Variants in REPS1 observed in about 807,000 individuals in gnomAD.
The protein encoded by REPS1 is RALBP1 associated Eps domain containing 1, also known as ralBP1-associated Eps domain-containing protein 1.
In REPS1, 39 loss-of-function variants were observed where a neutral mutation model predicts 100.9. That is an observed-to-expected ratio of 0.39 (90% CI 0.30 to 0.50). The LOEUF (loss-of-function observed/expected upper bound fraction) is 0.50. Ranked by LOEUF, REPS1 falls within the 20% of genes least tolerant of loss-of-function variation. REPS1 has a pLI of 0.86. For missense variants in REPS1, 821 were observed against 968.5 expected (o/e 0.85, Z 2.02); for synonymous variants, 324 against 340.3 (o/e 0.95, Z 0.53).
chr6:138,911,404 T>C, intron 16 of REPS1, 33 bp from the exon 17 acceptor site: 2 of 1,302,436 alleles, frequency 1.5e-6, no homozygotes, highest in Non-Finnish European at 2.2e-6. Flanking sequence ...CTATTAATTC[T>C]ACATAACATG....
intron 9 of REPS1, chr6:138,929,766 A>G: frequency 2.5e-6 from 1 of 400,722 alleles, no homozygotes; most frequent in South Asian, 5.1e-5. Context: ...CAAGGTTTTA[A>G]TGGGGATAAG....
intron 12 of REPS1, among the ~76,000 whole-genome samples, chr6:138,919,060 C>T (rs887081466): frequency 6.6e-6 from 1 of 152,174 alleles, no homozygotes; most frequent in African/African-American, 2.4e-5. Context: ...TTAACAGGCA[C>T]CTCAAGTTTA....
intron 1 of REPS1, among the ~76,000 whole-genome samples, chr6:138,959,091 T>A (rs145086641): frequency 6.6e-6 from 1 of 152,304 alleles, no homozygotes; most frequent in African/African-American, 2.4e-5. Context: ...CTATACCTGG[T>A]CTTTTTGCCA....
intron 1 of REPS1, among the ~76,000 whole-genome samples, chr6:138,963,414 T>C (rs1783848715): frequency 1.3e-5 from 2 of 152,186 alleles, no homozygotes; most frequent in African/African-American, 4.8e-5. Context: ...GGTCTGGCAA[T>C]GTTCTTTGCA....
chr6:138,982,862 G>A, intron 1 of REPS1, among the ~76,000 whole-genome samples: 1 of 152,198 alleles, frequency 6.6e-6, no homozygotes, highest in South Asian at 2.1e-4. Flanking sequence ...AATTGTATTT[G>A]TGTGTGCCCT....
At chr6:138,982,960 G>A (rs547338223) in intron 1 of REPS1, among the ~76,000 whole-genome samples, 124 of 152,228 alleles carry the variant, frequency 8.1e-4, no homozygotes, top group Admixed American at 2.6e-3. Flanking sequence ...CTACGCAAAG[G>A]AGTAAGTTGA....
At chr6:138,986,723 A>G (rs909526881) in intron 1 of REPS1, among the ~76,000 whole-genome samples, 2 of 152,198 alleles carry the variant, frequency 1.3e-5, no homozygotes, top group African/African-American at 2.4e-5. Context: ...GAGTAGCATT[A>G]ATGCTCACCA....
At chr6:138,917,527 C>A in intron 13 of REPS1, 28 bp downstream of exon 13, 1 of 1,545,786 alleles carries the variant, frequency 6.5e-7, no homozygotes, top group Non-Finnish European at 8.9e-7. Flanking sequence ...GATAGTTTAA[C>A]ATGCTTTTCA....
At chr6:138,981,263 G>A (rs1379727735) in intron 1 of REPS1, among the ~76,000 whole-genome samples, 2 of 152,172 alleles carry the variant, frequency 1.3e-5, no homozygotes, top group African/African-American at 4.8e-5. Flanking sequence ...GAAACAAAAT[G>A]CAGAAGAGAT....
At chr6:138,908,414 C>T (rs1013788240) in intron 18 of REPS1, among the ~76,000 whole-genome samples, 1 of 152,158 alleles carries the variant, frequency 6.6e-6, no homozygotes, top group African/African-American at 2.4e-5. Context: ...CCTACCTCAG[C>T]TTCCCGAGTA....
intron 1 of REPS1, among the ~76,000 whole-genome samples, chr6:138,981,899 T>C (rs918604519): frequency 2.0e-5 from 3 of 149,848 alleles, no homozygotes; most frequent in African/African-American, 5.1e-5. Flanking sequence ...TCTGGGCTAT[T>C]GATTAAAACA....
intron 1 of REPS1, among the ~76,000 whole-genome samples, chr6:138,961,514 G>A (rs1016263890): frequency 2.0e-5 from 3 of 152,014 alleles, no homozygotes; most frequent in Non-Finnish European, 4.4e-5. Flanking sequence ...ACCATGCTCG[G>A]CTCAAAGGGC....
chr6:138,984,341 C>T (rs756174851), intron 1 of REPS1, among the ~76,000 whole-genome samples: 2 of 152,052 alleles, frequency 1.3e-5, no homozygotes, highest in African/African-American at 2.4e-5. Flanking sequence ...CCTCAGCCTC[C>T]CAAAGTGCTG....
At chr6:138,987,385 G>C in intron 1 of REPS1, 145 bp downstream of exon 1, 2 of 850,798 alleles carry the variant, frequency 2.4e-6, no homozygotes, top group Non-Finnish European at 3.5e-6. Context: ...CAGGCCTCCC[G>C]GGCACCTGCG....
chr6:138,969,441 C>T (rs1440321876), intron 1 of REPS1, among the ~76,000 whole-genome samples: 1 of 148,062 alleles, frequency 6.8e-6, no homozygotes. Context: ...CACACCACTG[C>T]AGCTGGCCAA....
chr6:138,983,045 C>T (rs943122777), intron 1 of REPS1, among the ~76,000 whole-genome samples: 1 of 152,198 alleles, frequency 6.6e-6, no homozygotes, highest in African/African-American at 2.4e-5. Context: ...ATCAGACCAA[C>T]TGAATTTTAT....
At chr6:138,981,503 AG>A (rs1784949422) in intron 1 of REPS1, among the ~76,000 whole-genome samples, 1 of 152,222 alleles carries the variant, frequency 6.6e-6, no homozygotes, top group Non-Finnish European at 1.5e-5. Flanking sequence ...TGAAGAACTA[AG>A]CACCCATGGA....
chr6:138,945,832 C>A, intron 2 of REPS1, 135 bp from the exon 3 acceptor site: 1 of 687,074 alleles, frequency 1.5e-6, no homozygotes, highest in Non-Finnish European at 2.3e-6. Context: ...ATGTCTATCA[C>A]CACAAAATTT....
At position 138,930,029 on chromosome 6, in the gene REPS1, G is replaced by C; in HGVS notation, c.1205C>G (p.Pro402Arg). Residue 402 changes from proline to arginine, a missense_variant, in exon 9 of 20, where the codon CCA becomes CGA. By Grantham distance (103) the Pro-to-Arg change is moderately radical (BLOSUM62 -2). Coordinates refer to ENST00000450536, the MANE Select transcript of REPS1 (RefSeq NM_001286611.2). ...SPAEAPPSKS[P>R]SMPSLNQTWP... ...TGTCTGGTTTAGTGATGGCATCGAT[G>C]GTGACTTGCTTGGAGGAGCTTCAGC... 2 of 1,613,702 alleles carry C rather than the reference G, an allele frequency of 1.2e-6. No homozygotes were observed. The highest frequency in any genetic ancestry group is 8.5e-7 in the Non-Finnish European group (1 of 1,179,736).
Sources: gnomAD v4.1 joint callset for allele counts (sites outside exome capture counted in the v4.1 genomes callset) on GRCh38, gnomAD v4.1.1 for gene constraint, MANE v1.5 for transcripts, NCBI Gene and HGNC (gene_info 2026-07-23, HGNC 2026-07-21) for gene names.